FGGY: variants seen among roughly 807,000 people sequenced by gnomAD.
FGGY encodes the protein FGGY carbohydrate kinase domain-containing protein.
Under a neutral mutation model 71.3 loss-of-function variants are expected in FGGY, and 72 were observed. The ratio of observed to expected loss-of-function variants is 1.01; its 90% CI spans 0.84 to 1.23. FGGY has a LOEUF of 1.23. Ranked by LOEUF, FGGY falls within the 50% of genes most tolerant of loss-of-function variation. The pLI is 0.00. For missense variants in FGGY, 668 were observed against 682.3 expected, an observed-to-expected ratio of 0.98 and a Z score of 0.23; for synonymous variants, 251 against 250.3, an observed-to-expected ratio of 1.00 and a Z score of -0.02.
chr1:59,579,450 A>G (rs1362566758), intron 8 of FGGY, among the ~76,000 whole-genome samples: 1 of 152,164 alleles, frequency 6.6e-6, no homozygotes, highest in Non-Finnish European at 1.5e-5. Flanking sequence ...TTTCTAATAG[A>G]TACCTAAAAT....
chr1:59,387,932 A>G (rs780092522), intron 5 of FGGY, among the ~76,000 whole-genome samples: 12 of 152,174 alleles, frequency 7.9e-5, no homozygotes, highest in Non-Finnish European at 1.6e-4. Flanking sequence ...AAGGATTCAG[A>G]GGGCCACTCA....
At chr1:59,693,567 A>C (rs577071830) in intron 14 of FGGY, among the ~76,000 whole-genome samples, 1 of 152,294 alleles carries the variant, frequency 6.6e-6, no homozygotes, top group African/African-American at 2.4e-5. Flanking sequence ...GAAGAGGAGG[A>C]AGAAAGAGCA....
intron 3 of FGGY, among the ~76,000 whole-genome samples, chr1:59,344,823 C>A (rs2051475090): frequency 6.6e-6 from 1 of 152,130 alleles, no homozygotes; most frequent in Non-Finnish European, 1.5e-5. Flanking sequence ...TGCAACCATC[C>A]ATTTAAAAAA....
At chr1:59,353,942 G>T (rs888017903) in intron 4 of FGGY, among the ~76,000 whole-genome samples, 1 of 152,098 alleles carries the variant, frequency 6.6e-6, no homozygotes, top group Non-Finnish European at 1.5e-5. Flanking sequence ...CAAGCAGTAA[G>T]AGCAGAACAA....
chr1:59,373,210 AG>A (rs2058021519), intron 4 of FGGY, among the ~76,000 whole-genome samples: 1 of 151,366 alleles, frequency 6.6e-6, no homozygotes, highest in Non-Finnish European at 1.5e-5. Flanking sequence ...ACTTCAGCAA[AG>A]TCTCAGGATA....
At chr1:59,533,376 A>G (rs1221483930) in intron 7 of FGGY, among the ~76,000 whole-genome samples, 1 of 152,234 alleles carries the variant, frequency 6.6e-6, no homozygotes. Flanking sequence ...ACTGATTGCT[A>G]GCACAGCAGT....
At chr1:59,339,803 G>T (rs2050298626) in intron 2 of FGGY, among the ~76,000 whole-genome samples, 155 bp from the exon 3 acceptor site, 1 of 151,950 alleles carries the variant, frequency 6.6e-6, no homozygotes, top group Non-Finnish European at 1.5e-5. Context: ...CTTATTTATA[G>T]GATCTTTTGG....
intron 8 of FGGY, among the ~76,000 whole-genome samples, chr1:59,595,360 G>T (rs2096508512): frequency 6.6e-6 from 1 of 152,114 alleles, no homozygotes; most frequent in African/African-American, 2.4e-5. Flanking sequence ...AATTGGCACA[G>T]GTTGCTTTAT....
intron 14 of FGGY, among the ~76,000 whole-genome samples, chr1:59,734,426 A>C (rs76607329): frequency 6.6e-6 from 1 of 152,012 alleles, no homozygotes; most frequent in East Asian, 1.9e-4. Flanking sequence ...ACTGATCTAG[A>C]ACTCCTGGCT....
intron 14 of FGGY, among the ~76,000 whole-genome samples, chr1:59,754,185 A>G (rs78902124): frequency 0.12 from 18,511 of 152,274 alleles, 1,158 homozygotes; most frequent in African/African-American, 0.14. Flanking sequence ...CAGTACTGTC[A>G]TAATGGGCTT....
intron 14 of FGGY, among the ~76,000 whole-genome samples, chr1:59,723,487 C>A (rs2097913941): frequency 6.6e-6 from 1 of 151,338 alleles, no homozygotes; most frequent in Non-Finnish European, 1.5e-5. Context: ...TTAACTCATA[C>A]CATTGCAGAA....
intron 14 of FGGY, among the ~76,000 whole-genome samples, chr1:59,729,891 T>A (rs1378688580): frequency 6.6e-6 from 1 of 152,148 alleles, no homozygotes; most frequent in Non-Finnish European, 1.5e-5. Flanking sequence ...TTTTGTAAAG[T>A]CTCTTCCTCT....
At chr1:59,614,823 G>T (rs1343367820) in intron 9 of FGGY, among the ~76,000 whole-genome samples, 1 of 152,066 alleles carries the variant, frequency 6.6e-6, no homozygotes. Context: ...AAATCAATGT[G>T]CAAAAATCAC....
chr1:59,494,058 G>A lies in FGGY; in HGVS notation c.671-18253G>A, dbSNP rs566454556. 2.4e-3 allele frequency among the ~76,000 whole-genome samples: 367 copies of A among 152,214 alleles called. 1 individual carries two copies. Among genetic ancestry groups the A allele is most frequent in the Admixed American group, 7.1e-3 (109 of 15,294 alleles). ...TGGGAGGAAGGCAGGGTTTGTATCT[G>A]CTGTGATACATAGATCAGTTCGATT... On this transcript the variant is annotated intron_variant, in intron 6 of 15. Transcript: ENST00000303721.
intron 6 of FGGY, among the ~76,000 whole-genome samples, chr1:59,497,459 G>A (rs1015583859): frequency 8.5e-5 from 13 of 152,136 alleles, no homozygotes; most frequent in African/African-American, 3.1e-4. Context: ...GTGGTGGCAG[G>A]CACCTGTAAT....
chr1:59,656,531 C>T (rs1315496128), intron 11 of FGGY, among the ~76,000 whole-genome samples: 1 of 152,178 alleles, frequency 6.6e-6, no homozygotes, highest in South Asian at 2.1e-4. Context: ...ATGGACTTAA[C>T]GATCATCTGC....
intron 6 of FGGY, among the ~76,000 whole-genome samples, chr1:59,461,445 T>C (rs954853754): frequency 2.6e-5 from 4 of 152,234 alleles, no homozygotes; most frequent in Admixed American, 6.5e-5. Context: ...CTACATTTGA[T>C]TGGTGTACCT....
intron 14 of FGGY, among the ~76,000 whole-genome samples, chr1:59,700,057 G>A (rs2097697230): frequency 6.6e-6 from 1 of 152,066 alleles, no homozygotes; most frequent in African/African-American, 2.4e-5. Context: ...CTTGATCAAA[G>A]CAATCATAAA....
chr1:59,493,096 A>AACACAC (rs3035371), intron 6 of FGGY, among the ~76,000 whole-genome samples: 5,006 of 143,062 alleles, frequency 0.035, 153 homozygotes, highest in African/African-American at 0.078. Flanking sequence ...TACCAAACAA[A>AACACAC]ACACACACAC....
Sources: gnomAD v4.1 joint callset for allele counts (sites outside exome capture counted in the v4.1 genomes callset) on GRCh38, gnomAD v4.1.1 for gene constraint, MANE v1.5 for transcripts, NCBI Gene and HGNC (gene_info 2026-07-23, HGNC 2026-07-21) for gene names.